NEIL2: variants seen among roughly 807,000 people sequenced by gnomAD.
NEIL2 encodes the protein endonuclease 8-like 2.
Under a neutral mutation model 22.2 loss-of-function variants are expected in NEIL2, and 23 were observed. The ratio of observed to expected loss-of-function variants is 1.04; its 90% CI spans 0.75 to 1.47. The LOEUF (loss-of-function observed/expected upper bound fraction) is 1.47, where lower values mean the gene tolerates loss of function less well. Ranked by LOEUF, NEIL2 falls within the 40% of genes most tolerant of loss-of-function variation. The pLI, the probability that NEIL2 is intolerant of heterozygous loss-of-function variation, is 0.00. For synonymous variants in NEIL2, 229 were observed against 164.8 expected (o/e 1.39, Z -2.99); for missense variants, 583 against 404.7 (o/e 1.44, Z -3.78).
intron 2 of NEIL2, among the ~76,000 whole-genome samples, chr8:11,775,844 C>T (rs1454127282): frequency 3.3e-5 from 5 of 152,214 alleles, no homozygotes; most frequent in Admixed American, 3.3e-4. Context: ...CCACTTCAGC[C>T]TGTACCTTAT....
At position 11,771,601 on chromosome 8, in the gene NEIL2, T is replaced by C; in HGVS notation, c.138+16T>C. On this transcript the variant is annotated intron_variant, in intron 2 of 4. Transcript: ENST00000284503. ...GGACACCCAGGTGAGGTAATACTCC[T>C]CTGAAGGGTTGGCTCTGTCGCCCAT... The C allele has an allele frequency of 3.1e-6, 5 of 1,609,944 alleles. No homozygotes were observed. Among genetic ancestry groups the C allele is most frequent in the Non-Finnish European group, 2.5e-6 (3 of 1,177,212 alleles).
In NEIL2 at chr8:11,783,375, GAC is replaced by G. The variant is rs1274271845; in HGVS notation, c.665_666del (p.Asp222AlafsTer12). 6.2e-7 allele frequency: 1 copy of G among 1,614,154 alleles called. No homozygotes were observed. Among genetic ancestry groups the G allele is most frequent in the African/African-American group, 1.3e-5 (1 of 75,044 alleles). ...TCAGCCTGTCTGCTATACACTGCTG[GAC>G]CAGAGATACTTCTCAGGGCTAGGTA... ...QAQPVCYTLL[D>X]QRYFSGLGNI... On this transcript the variant is annotated frameshift_variant, in exon 4 of 5. Coordinates refer to ENST00000284503, the MANE Select transcript of NEIL2 (RefSeq NM_145043.4). LOFTEE classifies it high-confidence loss of function.
chr8:11,771,118 C>T (rs989931559), intron 1 of NEIL2, among the ~76,000 whole-genome samples: 2 of 152,132 alleles, frequency 1.3e-5, no homozygotes, highest in Admixed American at 6.5e-5. Flanking sequence ...TAACAAAGGC[C>T]AGCTCCTGGT....
In NEIL2 at chr8:11,786,250, C is replaced by T. The variant is rs1804937704; in HGVS notation, c.976C>T (p.Pro326Ser). 6.2e-7 allele frequency: 1 copy of T among 1,612,548 alleles called. No homozygotes were observed. Among genetic ancestry groups the T allele is most frequent in the Non-Finnish European group, 8.5e-7 (1 of 1,179,962 alleles). ...PQCQPQLSEEPEQCQFS is the reference protein window; with the variant it reads ...PQCQPQLSEESEQCQFS ...GTGCCAGCCCCAGTTGTCAGAGGAG[C>T]CAGAGCAGTGCCAGTTCTCCTAAGG... The change falls in exon 5 of 5, where the codon CCA becomes TCA. Residue 326 changes from proline (P) to serine (S), a missense_variant. Coordinates refer to ENST00000284503, the MANE Select transcript of NEIL2 (RefSeq NM_145043.4).
chr8:11,783,876 TAC>T (rs1473116906), intron 4 of NEIL2, among the ~76,000 whole-genome samples: 1 of 152,226 alleles, frequency 6.6e-6, no homozygotes, highest in African/African-American at 2.4e-5. Context: ...TGACTCAGTC[TAC>T]ACTGGGTTCT....
intron 2 of NEIL2, among the ~76,000 whole-genome samples, chr8:11,772,545 A>G (rs1345579156): frequency 6.6e-6 from 1 of 151,578 alleles, no homozygotes; most frequent in Admixed American, 6.6e-5. Flanking sequence ...TGGGAAGGAG[A>G]CTCCATCTCT....
At position 11,786,672 on chromosome 8, in the gene NEIL2, CTCT is replaced by C; in HGVS notation, c.*400_*402del. 1 of 259,620 alleles carries C rather than the reference CTCT, an allele frequency of 3.9e-6. No homozygotes were observed. The highest frequency in any genetic ancestry group is 3.7e-5 in the South Asian group (1 of 27,144). 16.1% of individuals were successfully genotyped at this position (259,620 alleles called of 1,614,324 possible). A position where few individuals can be genotyped will look rare whatever the true frequency, so the allele number is the denominator to read the frequency against. On this transcript the variant is annotated 3_prime_UTR_variant, in exon 5 of 5. Coordinates refer to ENST00000284503, the MANE Select transcript of NEIL2 (RefSeq NM_145043.4). Reference sequence around the variant, plus strand: ...TTGTTTGTTTTGAGAGAGAGTCTTGCTCTGTCTCCCTGGCTAGGGTGTGGTGGT... The same window carrying C: ...TTGTTTGTTTTGAGAGAGAGTCTTGCGTCTCCCTGGCTAGGGTGTGGTGGT...
rs549522120 is a variant in NEIL2 at position 11,787,004 on chromosome 8, C to T, written c.*731C>T. Reference sequence around the variant, plus strand: ...TGTTAAGGCCCTCCATTTTGGAAAGCAGGAAAACAGGATTTTTTTTTTTTT... The same window carrying T: ...TGTTAAGGCCCTCCATTTTGGAAAGTAGGAAAACAGGATTTTTTTTTTTTT... On this transcript the variant is annotated 3_prime_UTR_variant, in exon 5 of 5. Coordinates refer to ENST00000284503, the MANE Select transcript of NEIL2 (RefSeq NM_145043.4). 1 of 148,220 alleles carries T rather than the reference C, an allele frequency of 6.7e-6. No homozygotes were observed. Among genetic ancestry groups the T allele is most frequent in the Admixed American group, 7.0e-5 (1 of 14,324 alleles). The allele number at this position is 148,220 out of a possible 1,614,324, so 9.2% of individuals were successfully genotyped here. A position where few individuals can be genotyped will look rare whatever the true frequency, so the allele number is the denominator to read the frequency against.
At chr8:11,770,743 G>A (rs1803365560) in intron 1 of NEIL2, among the ~76,000 whole-genome samples, 1 of 152,140 alleles carries the variant, frequency 6.6e-6, no homozygotes, top group Non-Finnish European at 1.5e-5. Flanking sequence ...CATGTAGGCG[G>A]CTGTCAGTGG....
rs767098410 is a variant in NEIL2, at chr8:11,771,461, C to G, written c.14C>G (p.Pro5Arg). 6.2e-7 allele frequency: 1 copy of G among 1,613,898 alleles called. No individual in the cohort carries two copies. Among genetic ancestry groups the G allele is most frequent in the Non-Finnish European group, 8.5e-7 (1 of 1,180,022 alleles). Residue 5 changes from proline (P) to arginine (R), a missense_variant, in exon 2 of 5, where the codon CCG (proline) becomes CGG (arginine). Pro to Arg is a moderately radical substitution (Grantham distance 103). Coordinates refer to ENST00000284503, the MANE Select transcript of NEIL2 (RefSeq NM_145043.4). MPEG[P>R]LVRKFHHLVS... ...CTGCCCACAGGGATGCCAGAAGGGC[C>G]GTTGGTGAGGAAATTTCACCATTTG... is the stretch of plus-strand genomic sequence containing the variant.
intron 4 of NEIL2, among the ~76,000 whole-genome samples, chr8:11,785,731 C>T (rs537535468): frequency 1.3e-5 from 2 of 152,148 alleles, no homozygotes; most frequent in Non-Finnish European, 2.9e-5. Flanking sequence ...TTTTTGATAG[C>T]CTGTTTGCCA....
intron 1 of NEIL2, among the ~76,000 whole-genome samples, chr8:11,770,737 T>C (rs1803364590): frequency 6.6e-6 from 1 of 152,082 alleles, no homozygotes; most frequent in South Asian, 2.1e-4. Flanking sequence ...CTGCCTCATG[T>C]AGGCGGCTGT....
chr8:11,783,815 G>C (rs4143456), intron 4 of NEIL2, among the ~76,000 whole-genome samples: 39,630 of 152,078 alleles, frequency 0.26, 5,425 homozygotes, highest in East Asian at 0.49. Flanking sequence ...TGTTCTAAGG[G>C]ATGCTGCTCT....
intron 2 of NEIL2, among the ~76,000 whole-genome samples, chr8:11,776,622 T>C (rs1803925659): frequency 1.3e-5 from 2 of 152,212 alleles, no homozygotes; most frequent in Admixed American, 6.5e-5. Context: ...TGTAGTGTTT[T>C]CCAAGGCAGC....
At chr8:11,771,923 G>C (rs1262763814) in intron 2 of NEIL2, among the ~76,000 whole-genome samples, 1 of 152,132 alleles carries the variant, frequency 6.6e-6, no homozygotes, top group African/African-American at 2.4e-5. Flanking sequence ...GAGCAGAACC[G>C]GCTGGGCACG....
chr8:11,772,829 A>C (rs1231284697), intron 2 of NEIL2, among the ~76,000 whole-genome samples: 1 of 152,112 alleles, frequency 6.6e-6, no homozygotes, highest in Non-Finnish European at 1.5e-5. Flanking sequence ...TTGACCTCTT[A>C]AAGTTGTTGT....
At chr8:11,783,977 T>A (rs948044285) in intron 4 of NEIL2, among the ~76,000 whole-genome samples, 2 of 152,230 alleles carry the variant, frequency 1.3e-5, no homozygotes, top group Admixed American at 1.3e-4. Flanking sequence ...TAGGGAGAAG[T>A]GCTGAACAAT....
chr8:11,777,388 A>G (rs1803998145), intron 2 of NEIL2, among the ~76,000 whole-genome samples: 1 of 151,218 alleles, frequency 6.6e-6, no homozygotes, highest in African/African-American at 2.4e-5. Flanking sequence ...AATTGTGATG[A>G]AAAACACATA....
At chr8:11,771,659 T>A in intron 2 of NEIL2, 74 bp downstream of exon 2, 2 of 1,485,348 alleles carry the variant, frequency 1.3e-6, no homozygotes, top group Non-Finnish European at 1.8e-6. Flanking sequence ...TCCCCATATG[T>A]CTCAGGGTGT....
Sources: gnomAD v4.1 joint callset for allele counts (sites outside exome capture counted in the v4.1 genomes callset) on GRCh38, gnomAD v4.1.1 for gene constraint, MANE v1.5 for transcripts, NCBI Gene and HGNC (gene_info 2026-07-23, HGNC 2026-07-21) for gene names.